UBE2E2: variants seen among roughly 807,000 people sequenced by gnomAD.
UBE2E2 encodes ubiquitin-conjugating enzyme E2 E2.
Under a neutral mutation model 24.7 loss-of-function variants are expected in UBE2E2, and 6 were observed. That is an observed-to-expected ratio of 0.24 (90% CI 0.13 to 0.48). The LOEUF (loss-of-function observed/expected upper bound fraction) is 0.48. Among genes scored for constraint, UBE2E2 ranks in the 20% least tolerant of loss-of-function variants. The probability of loss-of-function intolerance (pLI) is 0.99; values close to 1 mark genes in which losing one functional copy is unlikely to be tolerated. For synonymous variants in UBE2E2, 104 were observed against 83.6 expected, an observed-to-expected ratio of 1.24 and a Z score of -1.33; for missense variants, 169 against 245.0, an observed-to-expected ratio of 0.69 and a Z score of 2.07.
chr3:23,230,492 G>A (rs1444332994), intron 3 of UBE2E2, among the ~76,000 whole-genome samples: 1 of 152,120 alleles, frequency 6.6e-6, no homozygotes, highest in Non-Finnish European at 1.5e-5. Context: ...GAGGTACATT[G>A]GAGAAGAGTT....
intron 5 of UBE2E2, among the ~76,000 whole-genome samples, chr3:23,587,969 A>G (rs897906231): frequency 1.3e-5 from 2 of 152,260 alleles, no homozygotes; most frequent in Admixed American, 1.3e-4. Context: ...GATTTACACA[A>G]TTCCAGGAAA....
chr3:23,488,338 A>C (rs1699423466), intron 3 of UBE2E2, among the ~76,000 whole-genome samples: 1 of 151,922 alleles, frequency 6.6e-6, no homozygotes, highest in African/African-American at 2.4e-5. Flanking sequence ...GTATTTCTCC[A>C]AATGTTATTC....
intron 3 of UBE2E2, among the ~76,000 whole-genome samples, chr3:23,433,233 T>G (rs1003096361): frequency 6.6e-6 from 1 of 151,884 alleles, no homozygotes; most frequent in Non-Finnish European, 1.5e-5. Context: ...CCAAGTGAAT[T>G]TTGCTATATC....
At chr3:23,399,112 C>T (rs1329301723) in intron 3 of UBE2E2, among the ~76,000 whole-genome samples, 1 of 152,044 alleles carries the variant, frequency 6.6e-6, no homozygotes, top group Non-Finnish European at 1.5e-5. Context: ...GCATTTATCA[C>T]GTTTCTTTTT....
chr3:23,255,029 TAAGAACAG>T (rs1697676658), intron 3 of UBE2E2, among the ~76,000 whole-genome samples: 1 of 151,672 alleles, frequency 6.6e-6, no homozygotes, highest in Admixed American at 6.6e-5. Context: ...CTGGCCATCT[TAAGAACAG>T]TTCGTTGAGA....
intron 3 of UBE2E2, among the ~76,000 whole-genome samples, chr3:23,467,567 A>G (rs747076333): frequency 1.3e-5 from 2 of 152,230 alleles, no homozygotes; most frequent in Non-Finnish European, 2.9e-5. Flanking sequence ...GTAGGATACT[A>G]TAAAAGGGTT....
At chr3:23,213,027 G>A (rs906859679) in intron 2 of UBE2E2, among the ~76,000 whole-genome samples, 3 of 151,960 alleles carry the variant, frequency 2.0e-5, no homozygotes, top group South Asian at 2.1e-4. Flanking sequence ...GAAGGTTTTC[G>A]CTAGGTGATT....
intron 3 of UBE2E2, among the ~76,000 whole-genome samples, chr3:23,278,910 C>T (rs1698426947): frequency 1.3e-5 from 2 of 151,810 alleles, no homozygotes; most frequent in Non-Finnish European, 2.9e-5. Flanking sequence ...TTATTGATAG[C>T]ATTAGGATAG....
chr3:23,569,331 C>T (rs545441088), intron 5 of UBE2E2, among the ~76,000 whole-genome samples: 2 of 152,208 alleles, frequency 1.3e-5, no homozygotes, highest in East Asian at 1.9e-4. Flanking sequence ...GGTGGATTTG[C>T]CAGCGGGGAG....
chr3:23,363,737 TG>T (rs1378430926), intron 3 of UBE2E2, among the ~76,000 whole-genome samples: 4 of 152,046 alleles, frequency 2.6e-5, no homozygotes, highest in Admixed American at 2.6e-4. Flanking sequence ...TAGAAGATCA[TG>T]GGGCAGAAAA....
At chr3:23,325,966 T>C (rs1281771999) in intron 3 of UBE2E2, among the ~76,000 whole-genome samples, 1 of 152,240 alleles carries the variant, frequency 6.6e-6, no homozygotes, top group African/African-American at 2.4e-5. Flanking sequence ...TTTTTCTGAA[T>C]TCATGTTTAG....
At chr3:23,500,051 C>T (rs1056521842) in intron 4 of UBE2E2, among the ~76,000 whole-genome samples, 11 of 151,878 alleles carry the variant, frequency 7.2e-5, no homozygotes, top group Admixed American at 6.6e-5. Context: ...AAGGTTGGGC[C>T]AGGGTGAGTA....
intron 3 of UBE2E2, among the ~76,000 whole-genome samples, chr3:23,354,734 T>A (rs1695886605): frequency 6.6e-6 from 1 of 152,126 alleles, no homozygotes. Context: ...AAGCAACAGG[T>A]GCTGGAGAGG....
At chr3:23,316,547 C>A (rs1389816755) in intron 3 of UBE2E2, among the ~76,000 whole-genome samples, 1 of 151,988 alleles carries the variant, frequency 6.6e-6, no homozygotes, top group Non-Finnish European at 1.5e-5. Context: ...GCCAGAAATG[C>A]TGTCCAAGAG....
At chr3:23,344,366 T>C (rs528299416) in intron 3 of UBE2E2, among the ~76,000 whole-genome samples, 1 of 152,080 alleles carries the variant, frequency 6.6e-6, no homozygotes, top group Non-Finnish European at 1.5e-5. Context: ...AACCGAAGGC[T>C]CATGTGAAAA....
chr3:23,591,177 T>C lies in UBE2E2; in HGVS notation c.*1346T>C, dbSNP rs1696751526. The C allele has an allele frequency of 6.6e-6, 1 of 152,166 alleles. No individual in the cohort carries two copies. The highest frequency in any genetic ancestry group is 1.5e-5 in the Non-Finnish European group (1 of 68,034). The allele number at this position is 152,166 out of a possible 1,614,324, so 9.4% of individuals were successfully genotyped here. On this transcript the variant is annotated 3_prime_UTR_variant, in exon 6 of 6. Transcript: ENST00000396703. ...TTCTAAAACACGCTGACTTGCTGAT[T>C]GATAATTCAGGGTTATTAGTGTAAC... is the stretch of plus-strand genomic sequence containing the variant.
intron 3 of UBE2E2, among the ~76,000 whole-genome samples, chr3:23,350,405 A>T (rs541975755): frequency 6.6e-6 from 1 of 152,372 alleles, no homozygotes; most frequent in South Asian, 2.1e-4. Context: ...TGATGAGTTG[A>T]GAGAAGAAGG....
chr3:23,302,176 C>G (rs1164139325), intron 3 of UBE2E2, among the ~76,000 whole-genome samples: 1 of 152,150 alleles, frequency 6.6e-6, no homozygotes, highest in Non-Finnish European at 1.5e-5. Context: ...CCAGCCATAT[C>G]CAGTCTGTTT....
chr3:23,460,670 T>A (rs998873858), intron 3 of UBE2E2, among the ~76,000 whole-genome samples: 1 of 152,282 alleles, frequency 6.6e-6, no homozygotes, highest in African/African-American at 2.4e-5. Context: ...TTCTTTTGGG[T>A]TGTCATGGGA....
Sources: gnomAD v4.1 joint callset for allele counts (sites outside exome capture counted in the v4.1 genomes callset) on GRCh38, gnomAD v4.1.1 for gene constraint, MANE v1.5 for transcripts, NCBI Gene and HGNC (gene_info 2026-07-23, HGNC 2026-07-21) for gene names.